RFX4: variants seen among roughly 807,000 people sequenced by gnomAD.
RFX4 encodes transcription factor RFX4.
In RFX4, 10 loss-of-function variants were observed where a neutral mutation model predicts 95.0. The ratio of observed to expected loss-of-function variants is 0.11; its 90% CI spans 0.06 to 0.18. The LOEUF is 0.18. RFX4 is among the 10% of genes least tolerant of loss of function. The pLI, the probability that RFX4 is intolerant of heterozygous loss-of-function variation, is 1.00. For synonymous variants in RFX4, 321 were observed against 340.7 expected (o/e 0.94, Z 0.64); for missense variants, 640 against 922.0 (o/e 0.69, Z 3.96).
intron 4 of RFX4, among the ~76,000 whole-genome samples, chr12:106,669,839 G>GGTGTGTGTGT (rs60975691): frequency 6.1e-4 from 87 of 143,250 alleles, no homozygotes; most frequent in South Asian, 1.6e-3. Flanking sequence ...TTTTTCTAGG[G>GGTGTGTGTGT]GTGTGTGTGT....
intron 4 of RFX4, among the ~76,000 whole-genome samples, chr12:106,679,068 A>G (rs2041451297): frequency 6.6e-6 from 1 of 152,260 alleles, no homozygotes; most frequent in Non-Finnish European, 1.5e-5. Context: ...AATAAATGAT[A>G]TCATCAGCCA....
intron 2 of RFX4, among the ~76,000 whole-genome samples, chr12:106,614,341 A>G (rs1345624207): frequency 6.6e-6 from 1 of 150,588 alleles, no homozygotes; most frequent in Non-Finnish European, 1.5e-5. Flanking sequence ...TTGTATTTTT[A>G]GTAGAGACTG....
intron 4 of RFX4, among the ~76,000 whole-genome samples, chr12:106,655,916 A>G (rs2040948717): frequency 6.6e-6 from 1 of 152,216 alleles, no homozygotes; most frequent in South Asian, 2.1e-4. Flanking sequence ...CTGTGCATGG[A>G]CATAAACAGA....
At chr12:106,688,293 C>T (rs190624242) in intron 6 of RFX4, among the ~76,000 whole-genome samples, 16 of 152,246 alleles carry the variant, frequency 1.1e-4, no homozygotes, top group African/African-American at 3.6e-4. Context: ...TGGTCTCGAA[C>T]TTCTGACCTC....
At chr12:106,732,400 C>G (rs1016570087) in intron 14 of RFX4, 151 bp downstream of exon 14, 1 of 1,198,000 alleles carries the variant, frequency 8.3e-7, no homozygotes, top group Non-Finnish European at 1.1e-6. Context: ...TCTTTTTCCT[C>G]TTTAAAGTGG....
chr12:106,598,395 A>C (rs898752015), intron 1 of RFX4, among the ~76,000 whole-genome samples: 1 of 152,216 alleles, frequency 6.6e-6, no homozygotes, highest in Non-Finnish European at 1.5e-5. Flanking sequence ...AGAAAAACGA[A>C]TGGAAATGCT....
rs1004513782 is a variant in RFX4, at chr12:106,586,630, G to T, written c.43+3267G>T. Among the ~76,000 whole-genome samples the T allele has an allele frequency of 6.6e-6, 1 of 152,186 alleles. No homozygotes were observed. The highest frequency in any genetic ancestry group is 1.5e-5 in the Non-Finnish European group (1 of 68,026). On this transcript the variant is annotated intron_variant, in intron 1 of 17. Transcript: ENST00000392842. This position sits in a 1 kb window ranked among gnomAD's most constrained non-coding sequence, Gnocchi z 5.6. Reference sequence around the variant, plus strand: ...ATCTCCAGAACCCAGAGCTGAGGCGGCCAAAGTACTTCCTGGAGCCGGATT... The same window carrying T: ...ATCTCCAGAACCCAGAGCTGAGGCGTCCAAAGTACTTCCTGGAGCCGGATT...
chr12:106,760,899 T>C (rs2043197717), intron 17 of RFX4, among the ~76,000 whole-genome samples: 2 of 152,106 alleles, frequency 1.3e-5, no homozygotes, highest in Admixed American at 1.3e-4. Context: ...GTATTCCTGG[T>C]GTGGCTGTTT....
chr12:106,712,856 CTCT>C, intron 10 of RFX4, among the ~76,000 whole-genome samples: 1 of 152,256 alleles, frequency 6.6e-6, no homozygotes, highest in East Asian at 1.9e-4. Context: ...GGAAGAGTGG[CTCT>C]TGGGTCATAT....
In RFX4 at chr12:106,686,945, A is replaced by C; in HGVS notation, c.439A>C (p.Lys147Gln). ...SSQYYDVMYS[K>Q]KGAAWVSETG... is the part of the protein sequence containing the mutation. Reference sequence around the variant, plus strand: ...CCAATATTATGATGTGATGTATTCCAAGAAAGGAGCTGCCTGGGTGAGTGA... The same window carrying C: ...CCAATATTATGATGTGATGTATTCCCAGAAAGGAGCTGCCTGGGTGAGTGA... The change falls in exon 6 of 18, where the codon AAG (lysine) becomes CAG (glutamine). Residue 147 changes from lysine (K) to glutamine (Q), a missense_variant. Coordinates refer to ENST00000392842, the MANE Select transcript of RFX4 (RefSeq NM_213594.3). 1.2e-6 allele frequency: 2 copies of C among 1,613,856 alleles called. No homozygotes were observed. Among genetic ancestry groups the C allele is most frequent in the Non-Finnish European group, 1.7e-6 (2 of 1,179,976 alleles).
chr12:106,687,241 G>A (rs947797781), intron 6 of RFX4, 144 bp downstream of exon 6: 23 of 750,318 alleles, frequency 3.1e-5, no homozygotes, highest in Admixed American at 1.1e-4. Context: ...TTGCAAAACC[G>A]TGAGTTTAAA....
intron 16 of RFX4, among the ~76,000 whole-genome samples, chr12:106,749,593 AAATAGC>A (rs2042961691): frequency 6.6e-6 from 1 of 152,198 alleles, no homozygotes; most frequent in Non-Finnish European, 1.5e-5. Context: ...GATTCAGCAG[AAATAGC>A]AGAAAAAATA....
At chr12:106,660,565 A>G (rs545492931) in intron 4 of RFX4, among the ~76,000 whole-genome samples, 40 of 152,188 alleles carry the variant, frequency 2.6e-4, no homozygotes, top group African/African-American at 7.9e-4. Context: ...AGAAAGAACA[A>G]CTGAGCCTCA....
At chr12:106,602,897 G>A (rs1348532581) in intron 1 of RFX4, among the ~76,000 whole-genome samples, 1 of 152,144 alleles carries the variant, frequency 6.6e-6, no homozygotes, top group Non-Finnish European at 1.5e-5. Flanking sequence ...GATAGACAAG[G>A]TCATTCGAAC....
intron 5 of RFX4, chr12:106,684,920 A>C: frequency 6.2e-7 from 1 of 1,613,700 alleles, no homozygotes; most frequent in South Asian, 1.1e-5. Context: ...TATCAGGAGT[A>C]AAGGAGGGTT....
At chr12:106,679,896 G>C (rs755865139) in intron 4 of RFX4, among the ~76,000 whole-genome samples, 1 of 152,214 alleles carries the variant, frequency 6.6e-6, no homozygotes, top group African/African-American at 2.4e-5. Context: ...GCTAGACAAA[G>C]TGTTTAAAGA....
At chr12:106,735,111 A>G (rs2042687102) in intron 15 of RFX4, among the ~76,000 whole-genome samples, 1 of 151,966 alleles carries the variant, frequency 6.6e-6, no homozygotes, top group South Asian at 2.1e-4. Flanking sequence ...CATACCCATG[A>G]GAGTCAAGAT....
Position 106,629,558 on chromosome 12 carries a change from GCAGCCTCAACCTC to G in RFX4, c.131-9772_131-9760del, listed in dbSNP as rs2040374153. Among the ~76,000 whole-genome samples, 4 of 152,132 alleles carry G rather than the reference GCAGCCTCAACCTC, an allele frequency of 2.6e-5. No individual in the cohort carries two copies. The South Asian group carries it at 8.3e-4, about 32-fold the overall frequency. On this transcript the variant is annotated intron_variant, in intron 2 of 17. Coordinates refer to ENST00000392842, the MANE Select transcript of RFX4 (RefSeq NM_213594.3). ...TGCAGTGGTGTAATCGTGGCTCACT[GCAGCCTCAACCTC>G]CCAGGCTCAGGTGATGGCTCCTACC...
chr12:106,608,815 G>A lies in RFX4; in HGVS notation c.62G>A (p.Cys21Tyr). 1.3e-6 allele frequency: 2 copies of A among 1,583,452 alleles called. No homozygotes were observed. The highest frequency in any genetic ancestry group is 2.3e-5 in the South Asian group (2 of 88,624). ...MDSTESWIER[C>Y]LNESENKRYS... is the part of the protein sequence containing the mutation. ...TTTTTAGAGAGCTGGATTGAAAGAT[G>A]TCTCAACGAAAGTGAAAACAAACGT... The change falls in exon 2 of 18, where the codon TGT (cysteine) becomes TAT (tyrosine). Residue 21 changes from cysteine to tyrosine, a missense_variant. By Grantham distance (194) the Cys-to-Tyr change is radical. This residue lies in a region of RFX4 where 63 missense variants were observed against 68.8 expected (regional missense o/e 0.92). Coordinates refer to ENST00000392842, the MANE Select transcript of RFX4 (RefSeq NM_213594.3).
Sources: allele counts gnomAD v4.1 joint callset (sites outside exome capture counted in the v4.1 genomes callset), GRCh38; gene constraint gnomAD v4.1.1; regional missense constraint gnomAD v4.1.1; non-coding constraint Gnocchi (gnomAD v3.1); transcripts MANE v1.5; gene names NCBI Gene and HGNC (gene_info 2026-07-23, HGNC 2026-07-21).